Variants in LLGL2 observed in about 807,000 individuals in gnomAD.
LLGL2 encodes the protein LLGL2, scribble cell polarity complex component.
A neutral mutation model predicts 123.2 loss-of-function variants in LLGL2; 81 were observed. That is an observed-to-expected ratio of 0.66 (90% CI 0.55 to 0.79). The LOEUF (loss-of-function observed/expected upper bound fraction) is 0.79, where lower values mean the gene tolerates loss of function less well. Among genes scored for constraint, LLGL2 ranks in the 30% least tolerant of loss-of-function variants. LLGL2 has a pLI of 0.00. For synonymous variants in LLGL2, 577 were observed against 594.1 expected (o/e 0.97, Z 0.42); for missense variants, 1,273 against 1,414.6 (o/e 0.90, Z 1.61).
intron 10 of LLGL2, among the ~76,000 whole-genome samples, chr17:75,567,651 G>GA (rs1358663165): frequency 2.0e-5 from 3 of 148,776 alleles, no homozygotes; most frequent in South Asian, 2.1e-4. Flanking sequence ...AAAAAAAAGA[G>GA]AAAAAAAAGA....
At chr17:75,551,862 C>T (rs905541685) in intron 2 of LLGL2, among the ~76,000 whole-genome samples, 2 of 152,214 alleles carry the variant, frequency 1.3e-5, no homozygotes, top group Non-Finnish European at 1.5e-5. Flanking sequence ...GGTGCGGTGG[C>T]TCACGCCTGT....
In LLGL2 at chr17:75,564,521, G is replaced by A. The variant is rs201510982; in HGVS notation, c.1036+14G>A. 1.7e-5 allele frequency: 28 copies of A among 1,612,822 alleles called. No homozygotes were observed. Among genetic ancestry groups the A allele is most frequent in the African/African-American group, 2.7e-5 (2 of 74,914 alleles). On this transcript the variant is annotated intron_variant, in intron 10 of 25. Coordinates refer to ENST00000392550, the MANE Select transcript of LLGL2 (RefSeq NM_001031803.2). This position sits in a 1 kb window ranked among gnomAD's most constrained non-coding sequence, Gnocchi z 4.9. ...ACCCTGCAGCCAGTAGGAGAGCTTCGGGAGTGGGTGCCCAGGGTTAGGTGT... is the reference window on the plus strand; with the variant it reads ...ACCCTGCAGCCAGTAGGAGAGCTTCAGGAGTGGGTGCCCAGGGTTAGGTGT...
chr17:75,566,146 G>A (rs2055433982), intron 10 of LLGL2, among the ~76,000 whole-genome samples: 1 of 152,208 alleles, frequency 6.6e-6, no homozygotes, highest in Non-Finnish European at 1.5e-5. Flanking sequence ...CTCTTGGCTT[G>A]CTCCAATGAG....
At chr17:75,572,590 A>G (rs1329437295) in intron 19 of LLGL2, among the ~76,000 whole-genome samples, 1 of 148,922 alleles carries the variant, frequency 6.7e-6, no homozygotes, top group African/African-American at 2.5e-5. Context: ...GCGTGAACCC[A>G]GGAGGCGGAG....
In LLGL2 at chr17:75,548,279, CTTTTT is replaced by C. The variant is rs112381847; in HGVS notation, c.75+4790_75+4794del. Among the ~76,000 whole-genome samples the C allele has an allele frequency of 6.3e-4, 91 of 144,170 alleles. 1 individual carries two copies. The highest frequency in any genetic ancestry group is 4.9e-4 in the Non-Finnish European group (32 of 65,928). The allele number at this position is 144,170 out of a possible 152,430, so 94.6% of individuals were successfully genotyped here. ...TTACAGAAGGACAATTTTTTTTTTC[CTTTTT>C]TTTTTTTTTTTGGACGGAGTTTAGC... On this transcript the variant is annotated intron_variant, in intron 2 of 25. Transcript: ENST00000392550.
At position 75,549,539 on chromosome 17, in the gene LLGL2, C is replaced by G. The variant is rs554643389; in HGVS notation, c.75+6038C>G. Among the ~76,000 whole-genome samples the G allele has an allele frequency of 1.1e-4, 16 of 151,096 alleles. No homozygotes were observed. Among genetic ancestry groups the G allele is most frequent in the Admixed American group, 8.5e-4 (13 of 15,212 alleles). Reference sequence around the variant, plus strand: ...GGAGGGCCAGGTTGTTCTGTATTGGCTTTCGAATGGCTGGGCCCCTGGTGT... The same window carrying G: ...GGAGGGCCAGGTTGTTCTGTATTGGGTTTCGAATGGCTGGGCCCCTGGTGT... On this transcript the variant is annotated intron_variant, in intron 2 of 25. Transcript: ENST00000392550. The surrounding 1 kb of genome is among the most constrained non-coding windows in gnomAD (Gnocchi z 4.0).
rs756097998 is a variant in LLGL2 at position 75,559,208 on chromosome 17, C to T, written c.372-44C>T. The T allele has an allele frequency of 6.5e-7, 1 of 1,540,810 alleles. No individual in the cohort carries two copies. The highest frequency in any genetic ancestry group is 8.7e-7 in the Non-Finnish European group (1 of 1,145,242). On this transcript the variant is annotated intron_variant, in intron 5 of 25. Coordinates refer to ENST00000392550, the MANE Select transcript of LLGL2 (RefSeq NM_001031803.2). This position sits in a 1 kb window ranked among gnomAD's most constrained non-coding sequence, Gnocchi z 4.6. ...GGGGACCCCGTCCATGGCATCTCCC[C>T]TGCTGGGCAGTGGTCGGCTCACGGG...
intron 1 of LLGL2, among the ~76,000 whole-genome samples, chr17:75,537,289 A>G (rs2054039740): frequency 6.6e-6 from 1 of 152,128 alleles, no homozygotes; most frequent in Admixed American, 6.6e-5. Context: ...GTCCCTGTCC[A>G]CCATGGTTTC....
intron 1 of LLGL2, among the ~76,000 whole-genome samples, chr17:75,529,589 T>G (rs9892893): frequency 0.69 from 104,322 of 151,270 alleles, 36,371 homozygotes; most frequent in Middle Eastern, 0.75. Context: ...TAGGCCGGGC[T>G]CTGTGTCTCA....
chr17:75,545,171 G>A (rs967976337), intron 2 of LLGL2, among the ~76,000 whole-genome samples: 4 of 152,090 alleles, frequency 2.6e-5, no homozygotes, highest in African/African-American at 4.8e-5. Context: ...CTAGGGTGGA[G>A]CTGGGGCAAG....
chr17:75,558,779 C>G lies in LLGL2; in HGVS notation c.371+152C>G. On this transcript the variant is annotated intron_variant, in intron 5 of 25. Transcript: ENST00000392550. The surrounding 1 kb of genome is among the most constrained non-coding windows in gnomAD (Gnocchi z 4.0). ...GATGCATCGCCACACTCAGGTGCTC[C>G]GAGTGGAGTGGGCGGGGCTGCAGCC... is the stretch of plus-strand genomic sequence containing the variant. 1 of 673,986 alleles carries G rather than the reference C, an allele frequency of 1.5e-6. No individual in the cohort carries two copies. Among genetic ancestry groups the G allele is most frequent in the South Asian group, 1.8e-5 (1 of 57,040 alleles). 41.8% of individuals were successfully genotyped at this position (673,986 alleles called of 1,614,324 possible).
intron 1 of LLGL2, among the ~76,000 whole-genome samples, chr17:75,528,451 A>G (rs1471038339): frequency 6.6e-6 from 1 of 152,144 alleles, no homozygotes; most frequent in African/African-American, 2.4e-5. Context: ...CATTAAAAGA[A>G]AAAAAGGCCA....
At chr17:75,551,941 C>G (rs1180947628) in intron 2 of LLGL2, among the ~76,000 whole-genome samples, 1 of 152,144 alleles carries the variant, frequency 6.6e-6, no homozygotes, top group African/African-American at 2.4e-5. Context: ...CCAGCCTGGC[C>G]AACATGGTGA....
intron 1 of LLGL2, among the ~76,000 whole-genome samples, chr17:75,535,831 G>A (rs1443000543): frequency 6.6e-6 from 1 of 152,176 alleles, no homozygotes; most frequent in Non-Finnish European, 1.5e-5. Context: ...TTTCCAAGTG[G>A]GTGTCCAGGT....
At chr17:75,548,370 C>G (rs2147255190) in intron 2 of LLGL2, among the ~76,000 whole-genome samples, 1 of 151,366 alleles carries the variant, frequency 6.6e-6, no homozygotes, top group Non-Finnish European at 1.5e-5. Flanking sequence ...CTCTGCCTCC[C>G]GGGTTCAAGG....
At chr17:75,550,226 C>T (rs73364218) in intron 2 of LLGL2, among the ~76,000 whole-genome samples, 4 of 152,148 alleles carry the variant, frequency 2.6e-5, no homozygotes, top group South Asian at 2.1e-4. Context: ...TGAGTGCAGC[C>T]GCGATTCAGG....
intron 1 of LLGL2, among the ~76,000 whole-genome samples, chr17:75,530,581 C>A (rs1412255348): frequency 6.7e-6 from 1 of 148,862 alleles, no homozygotes; most frequent in African/African-American, 2.5e-5. Flanking sequence ...ACCCGGGAGG[C>A]AGAGCTGGCA....
intron 6 of LLGL2, among the ~76,000 whole-genome samples, chr17:75,562,099 G>A (rs887869732): frequency 6.6e-5 from 10 of 151,426 alleles, no homozygotes; most frequent in African/African-American, 2.4e-4. Context: ...CATCCTTGCT[G>A]TTGGCTGTTG....
chr17:75,568,906 G>A (rs553945932), intron 12 of LLGL2, 67 bp downstream of exon 12: 1 of 1,572,398 alleles, frequency 6.4e-7, no homozygotes, highest in South Asian at 1.2e-5. Flanking sequence ...AGAGCCCTGA[G>A]GTGGACGAGC....
Sources: gnomAD v4.1 joint callset for allele counts (sites outside exome capture counted in the v4.1 genomes callset) on GRCh38, gnomAD v4.1.1 for gene constraint, Gnocchi (gnomAD v3.1) non-coding constraint, MANE v1.5 for transcripts, NCBI Gene and HGNC (gene_info 2026-07-23, HGNC 2026-07-21) for gene names.